ABCB1: variants seen among roughly 807,000 people sequenced by gnomAD.
ABCB1 encodes ATP binding cassette subfamily B member 1, also known as ATP-dependent translocase ABCB1.
In ABCB1, 69 loss-of-function variants were observed where a neutral mutation model predicts 142.0. The ratio of observed to expected loss-of-function variants is 0.49; its 90% CI spans 0.40 to 0.59. The LOEUF is 0.59. Among genes scored for constraint, ABCB1 ranks in the 20% least tolerant of loss-of-function variants. ABCB1 has a pLI of 0.00. For missense variants in ABCB1, 1,326 were observed against 1,554.7 expected (o/e 0.85, Z 2.47); for synonymous variants, 532 against 539.2 (o/e 0.99, Z 0.18).
At chr7:87,626,234 TGTGTCATATATA>T (rs1400121687) in intron 1 of ABCB1, among the ~76,000 whole-genome samples, 3 of 85,528 alleles carry the variant, frequency 3.5e-5, no homozygotes, top group Non-Finnish European at 5.1e-5. Flanking sequence ...GTCATATATA[TGTGTCATATATA>T]TGTCATATAT....
At chr7:87,628,580 C>CGTGTGTGTGTGTGT (rs1430415147) in intron 1 of ABCB1, 4 of 292,756 alleles carry the variant, frequency 1.4e-5, no homozygotes, top group African/African-American at 6.3e-5. Context: ...GTGGTGCGTG[C>CGTGTGTGTGTGTGT]GTGCGTGTGT....
intron 1 of ABCB1, among the ~76,000 whole-genome samples, chr7:87,705,820 T>A (rs1334056669): frequency 1.3e-5 from 2 of 152,200 alleles, no homozygotes; most frequent in African/African-American, 2.4e-5. Flanking sequence ...CCACTCCCAA[T>A]TGAATCTTTA....
chr7:87,642,282 C>T (rs1347052782), intron 1 of ABCB1, among the ~76,000 whole-genome samples: 1 of 151,898 alleles, frequency 6.6e-6, no homozygotes, highest in East Asian at 1.9e-4. Context: ...CTTTCATTTT[C>T]GTAGCATTCT....
intron 1 of ABCB1, chr7:87,709,457 G>A (rs1158498708): frequency 1.0e-6 from 1 of 985,230 alleles, no homozygotes; most frequent in African/African-American, 1.7e-5. Context: ...GGCTTACTCA[G>A]AAGGAACAAT....
At chr7:87,541,219 C>G in intron 18 of ABCB1, 138 bp downstream of exon 18, 1 of 648,706 alleles carries the variant, frequency 1.5e-6, no homozygotes, top group Non-Finnish European at 2.7e-6. Context: ...TTCACTATGT[C>G]AGAAAAACTT....
At chr7:87,637,067 T>A (rs946009600) in intron 1 of ABCB1, among the ~76,000 whole-genome samples, 1 of 152,174 alleles carries the variant, frequency 6.6e-6, no homozygotes, top group Non-Finnish European at 1.5e-5. Context: ...GAGACTAGCA[T>A]GGGGGAAAAC....
At chr7:87,654,253 A>G (rs1823860683) in intron 1 of ABCB1, among the ~76,000 whole-genome samples, 1 of 152,098 alleles carries the variant, frequency 6.6e-6, no homozygotes, top group Non-Finnish European at 1.5e-5. Context: ...TTAATATGGA[A>G]CCACAAAAGA....
intron 1 of ABCB1, among the ~76,000 whole-genome samples, chr7:87,628,027 CG>C (rs1820776478): frequency 6.6e-6 from 1 of 152,192 alleles, no homozygotes; most frequent in Non-Finnish European, 1.5e-5. Flanking sequence ...GGCCCAAGGT[CG>C]GGTGTGGGAG....
Position 87,699,079 on chromosome 7 carries a change from T to A in ABCB1, c.-331+14082A>T, listed in dbSNP as rs184907474. ...TTTAAAAGCAGTCAAGTTACACTAA[T>A]GTTCTGCCATGGTTTGGAACCACTC... On this transcript the variant is annotated intron_variant, in intron 1 of 28. Coordinates refer to the ABCB1 transcript ENST00000265724. Among the ~76,000 whole-genome samples, 152 of 152,300 alleles carry A rather than the reference T, an allele frequency of 1.0e-3. 1 individual carries two copies. The highest frequency in any genetic ancestry group is 6.8e-3 in the Middle Eastern group (2 of 294).
chr7:87,556,406 T>C (rs1817312486), intron 8 of ABCB1, among the ~76,000 whole-genome samples: 2 of 152,254 alleles, frequency 1.3e-5, no homozygotes, highest in South Asian at 4.1e-4. Flanking sequence ...TTTTAACTTC[T>C]GGTTAAATTT....
chr7:87,530,318 T>G (rs988243274), intron 21 of ABCB1, among the ~76,000 whole-genome samples: 2 of 152,318 alleles, frequency 1.3e-5, no homozygotes, highest in Non-Finnish European at 2.9e-5. Flanking sequence ...CAGACTGCAT[T>G]CTGCCATCAG....
chr7:87,711,695 A>T (rs1377528418), intron 1 of ABCB1, among the ~76,000 whole-genome samples: 1 of 152,198 alleles, frequency 6.6e-6, no homozygotes, highest in Non-Finnish European at 1.5e-5. Context: ...TATTACATAA[A>T]ATTGCAAATT....
chr7:87,652,283 A>G (rs1276246376), intron 1 of ABCB1, among the ~76,000 whole-genome samples: 2 of 152,060 alleles, frequency 1.3e-5, no homozygotes, highest in East Asian at 1.9e-4. Flanking sequence ...TAGCAAATGA[A>G]CAGTAAGGCT....
At chr7:87,680,413 G>A (rs376421260) in intron 1 of ABCB1, among the ~76,000 whole-genome samples, 4 of 150,786 alleles carry the variant, frequency 2.7e-5, no homozygotes, top group East Asian at 3.9e-4. Context: ...TGCAATTAAA[G>A]CAGCACTTAG....
At chr7:87,635,330 C>T (rs1265993458) in intron 1 of ABCB1, among the ~76,000 whole-genome samples, 1 of 152,160 alleles carries the variant, frequency 6.6e-6, no homozygotes, top group Non-Finnish European at 1.5e-5. Context: ...CACAGAGGGT[C>T]TTGAAGTTAT....
rs141260189 is a variant in ABCB1 at position 87,552,332 on chromosome 7, A to G, written c.999+1429T>C. On this transcript the variant is annotated intron_variant, in intron 9 of 27. Transcript: ENST00000622132. Reference sequence around the variant, plus strand: ...AAGGAACTTTGCTAAGTGATTCTATATTCATTATCTCAGTTAGTCCTCAAA... The same window carrying G: ...AAGGAACTTTGCTAAGTGATTCTATGTTCATTATCTCAGTTAGTCCTCAAA... 6.6e-5 allele frequency among the ~76,000 whole-genome samples: 10 copies of G among 152,292 alleles called. No homozygotes were observed. In the East Asian group the frequency reaches 1.7e-3, roughly 26 times the overall value.
chr7:87,655,060 A>G (rs940207314), intron 1 of ABCB1, among the ~76,000 whole-genome samples: 2 of 152,104 alleles, frequency 1.3e-5, no homozygotes, highest in African/African-American at 4.8e-5. Context: ...TGTGGAGAAA[A>G]GGGAACCCTT....
chr7:87,539,642 G>A (rs763475471), intron 18 of ABCB1, among the ~76,000 whole-genome samples: 1 of 152,150 alleles, frequency 6.6e-6, no homozygotes, highest in Non-Finnish European at 1.5e-5. Flanking sequence ...TAACCAGAAT[G>A]GGAATCCAGA....
At chr7:87,700,366 A>G in intron 1 of ABCB1, 1 of 1,403,944 alleles carries the variant, frequency 7.1e-7, no homozygotes, top group South Asian at 1.3e-5. Context: ...TTGCATTTTC[A>G]AGTCTAGTTT....
Sources: allele counts gnomAD v4.1 joint callset (sites outside exome capture counted in the v4.1 genomes callset), GRCh38; gene constraint gnomAD v4.1.1; transcripts MANE v1.5; gene names NCBI Gene and HGNC (gene_info 2026-07-23, HGNC 2026-07-21).